Variants in GEMIN8 observed in about 807,000 individuals in gnomAD.
GEMIN8 encodes the protein gem-associated protein 8.
For synonymous variants in GEMIN8, 80 were observed against 78.5 expected (o/e 1.02, Z -0.10); for missense variants, 185 against 205.9 (o/e 0.90, Z 0.62).
chrX:13,991,580 C>T, the GEMIN8 span, among the ~76,000 whole-genome samples: 6 of 111,586 alleles, frequency 5.4e-5, no homozygotes, highest in African/African-American at 9.8e-5. Context: ...GGGTTTGATG[C>T]GTGGACAGGC....
chrX:13,993,596 A>T, the GEMIN8 span, among the ~76,000 whole-genome samples: 7 of 108,118 alleles, frequency 6.5e-5, no homozygotes, highest in East Asian at 2.9e-4. Flanking sequence ...AACAAAAAAA[A>T]TTTTTTTTAT....
chrX:14,021,737 G>A (rs1431822305), intron 2 of GEMIN8, among the ~76,000 whole-genome samples: 1 of 102,041 alleles, frequency 9.8e-6, no homozygotes, highest in African/African-American at 3.6e-5. Context: ...GATCCTGCAT[G>A]GTTCAATTAC....
the GEMIN8 span, among the ~76,000 whole-genome samples, chrX:13,989,266 T>C: frequency 9.1e-6 from 1 of 109,951 alleles, no homozygotes; most frequent in Non-Finnish European, 1.9e-5. Flanking sequence ...TTTTTAAATT[T>C]AAATTTTTTT....
intron 4 of GEMIN8, among the ~76,000 whole-genome samples, chrX:14,012,163 G>C (rs1490282525): frequency 9.3e-6 from 1 of 107,508 alleles, no homozygotes. Flanking sequence ...TGTCACTCAG[G>C]CTGGAGTGCA....
the GEMIN8 span, among the ~76,000 whole-genome samples, chrX:13,991,111 G>A: frequency 8.9e-6 from 1 of 112,323 alleles, no homozygotes; most frequent in Admixed American, 9.5e-5. Flanking sequence ...TTTCTTGGCT[G>A]TACTTATTAC....
chrX:13,993,416 C>T, the GEMIN8 span, among the ~76,000 whole-genome samples: 2 of 104,080 alleles, frequency 1.9e-5, no homozygotes, highest in African/African-American at 7.0e-5. Flanking sequence ...CAGTCAAATG[C>T]TTTAATCTGC....
At chrX:14,000,037 G>C in the GEMIN8 span, among the ~76,000 whole-genome samples, 1 of 111,378 alleles carries the variant, frequency 9.0e-6, no homozygotes, top group Non-Finnish European at 1.9e-5. Context: ...AGGCATGGTG[G>C]CTCACACGTG....
chrX:14,011,037 G>A (rs987747217), intron 4 of GEMIN8, among the ~76,000 whole-genome samples: 1 of 111,897 alleles, frequency 8.9e-6, no homozygotes, highest in Non-Finnish European at 1.9e-5. Flanking sequence ...GAAAGCACTC[G>A]ACAACCGCCA....
At chrX:13,985,920 T>G in the GEMIN8 span, among the ~76,000 whole-genome samples, 1 of 111,350 alleles carries the variant, frequency 9.0e-6, no homozygotes, top group Non-Finnish European at 1.9e-5. Flanking sequence ...TGAACAGTAA[T>G]GCCTTTTATG....
chrX:13,984,524 A>G, the GEMIN8 span, among the ~76,000 whole-genome samples: 1 of 112,024 alleles, frequency 8.9e-6, no homozygotes, highest in Non-Finnish European at 1.9e-5. Context: ...TCACATTGCA[A>G]TGCTAGAGTT....
At chrX:14,025,879 C>T (rs1442128551) in intron 2 of GEMIN8, among the ~76,000 whole-genome samples, 1 of 111,634 alleles carries the variant, frequency 9.0e-6, no homozygotes, top group Non-Finnish European at 1.9e-5. Context: ...TATCAGTTAG[C>T]TCCCAAGGGA....
intron 4 of GEMIN8, among the ~76,000 whole-genome samples, chrX:14,017,208 C>A (rs1391396519): frequency 9.0e-6 from 1 of 110,617 alleles, no homozygotes; most frequent in Non-Finnish European, 1.9e-5. Flanking sequence ...CTCTAATCAG[C>A]GAGTGGTAGA....
intron 1 of GEMIN8, chrX:14,026,522 T>A (rs984939248): frequency 7.5e-5 from 16 of 213,211 alleles, no homozygotes; most frequent in Non-Finnish European, 1.0e-4. Flanking sequence ...CATCTGCTCA[T>A]CCTGCAGGAT....
At chrX:14,023,800 C>A (rs751105043) in intron 2 of GEMIN8, among the ~76,000 whole-genome samples, 15 of 112,450 alleles carry the variant, frequency 1.3e-4, no homozygotes, top group African/African-American at 4.8e-4. Context: ...ACAAGCAGCA[C>A]AGGAATTAAA....
the GEMIN8 span, among the ~76,000 whole-genome samples, chrX:13,984,438 C>T: frequency 1.3e-3 from 145 of 112,485 alleles, 1 homozygote; most frequent in Non-Finnish European, 1.5e-3. Context: ...ATCCAGCCTA[C>T]CACCTGATTT....
chrX:14,007,946 A>C lies in GEMIN8; in HGVS notation c.*967T>G, dbSNP rs1289837691. 8.9e-6 allele frequency among the ~76,000 whole-genome samples: 1 copy of C among 111,912 alleles called. No individual in the cohort carries two copies. The highest frequency in any genetic ancestry group is 1.9e-5 in the Non-Finnish European group (1 of 53,238). ...CATTCCATGAGAGGTGCAGTTGGCA[A>C]ACTACCATCTGTAGACCAAATCTGG... On this transcript the variant is annotated 3_prime_UTR_variant, in exon 5 of 5. Transcript: ENST00000680255.
At chrX:14,026,744 G>A (rs747016669) in intron 1 of GEMIN8, among the ~76,000 whole-genome samples, 16 of 112,235 alleles carry the variant, frequency 1.4e-4, no homozygotes, top group Non-Finnish European at 3.0e-4. Flanking sequence ...AACCAAAAAA[G>A]TAAAATAAAA....
rs1167767554 is a variant in GEMIN8, at chrX:14,008,240, G to C, written c.*673C>G. On this transcript the variant is annotated 3_prime_UTR_variant, in exon 5 of 5. Coordinates refer to ENST00000680255, the MANE Select transcript of GEMIN8 (RefSeq NM_001042479.2). ...GATCTGCCCACCTCGGCCTCCCAAA[G>C]TGCTGGGATTACAGGCATGAACCAT... 8.9e-6 allele frequency: 1 copy of C among 111,844 alleles called. No homozygotes were observed. The highest frequency in any genetic ancestry group is 9.5e-5 in the Admixed American group (1 of 10,507). 9.2% of individuals were successfully genotyped at this position (111,844 alleles called of 1,213,427 possible).
chrX:14,003,299 C>T (rs1198422767), downstream of GEMIN8, among the ~76,000 whole-genome samples: 5 of 112,366 alleles, frequency 4.4e-5, no homozygotes, highest in African/African-American at 1.6e-4. Flanking sequence ...GAGCAGCTAA[C>T]GGCAGGGAAG....
Sources: allele counts gnomAD v4.1 joint callset (sites outside exome capture counted in the v4.1 genomes callset), GRCh38; gene constraint gnomAD v4.1.1; transcripts MANE v1.5; gene names NCBI Gene and HGNC (gene_info 2026-07-23, HGNC 2026-07-21).